PRKG2: variants seen among roughly 807,000 people sequenced by gnomAD.
PRKG2 encodes the protein cGMP-dependent protein kinase 2.
Under a neutral mutation model 97.2 loss-of-function variants are expected in PRKG2, and 33 were observed. That is an observed-to-expected ratio of 0.34 (90% CI 0.26 to 0.45). PRKG2 has a LOEUF of 0.45. Ranked by LOEUF, PRKG2 falls within the 20% of genes least tolerant of loss-of-function variation. The probability of loss-of-function intolerance (pLI) is 1.00; values close to 1 mark genes in which losing one functional copy is unlikely to be tolerated. For synonymous variants in PRKG2, 330 were observed against 321.8 expected, an observed-to-expected ratio of 1.03 and a Z score of -0.27; for missense variants, 638 against 900.0, an observed-to-expected ratio of 0.71 and a Z score of 3.73.
At chr4:81,125,583 G>C (rs1745474812) in intron 14 of PRKG2, among the ~76,000 whole-genome samples, 1 of 152,136 alleles carries the variant, frequency 6.6e-6, no homozygotes, top group East Asian at 1.9e-4. Flanking sequence ...AAAATTTGTG[G>C]CCAAGATATT....
chr4:81,216,902 T>G (rs1754291003), upstream of PRKG2, among the ~76,000 whole-genome samples: 1 of 148,732 alleles, frequency 6.7e-6, no homozygotes, highest in Non-Finnish European at 1.5e-5. Flanking sequence ...TGTGTGTGTG[T>G]GTGTGTGTGT....
intron 4 of PRKG2, among the ~76,000 whole-genome samples, chr4:81,170,319 G>C (rs1354528584): frequency 6.6e-6 from 1 of 151,948 alleles, no homozygotes; most frequent in Non-Finnish European, 1.5e-5. Context: ...GAAAGTTTTT[G>C]AGATAATTTT....
chr4:81,216,367 C>CAAA (rs11362212), upstream of PRKG2, among the ~76,000 whole-genome samples: 143 of 137,576 alleles, frequency 1.0e-3, no homozygotes, highest in African/African-American at 3.0e-3. Flanking sequence ...ATAAAGACCT[C>CAAA]AAAAAAAAAA....
At chr4:81,155,561 T>A (rs1748997121) in intron 6 of PRKG2, among the ~76,000 whole-genome samples, 1 of 151,494 alleles carries the variant, frequency 6.6e-6, no homozygotes, top group African/African-American at 2.4e-5. Context: ...AACATTCAGA[T>A]TCAGGAAATA....
chr4:81,137,248 A>G (rs1746801308), intron 13 of PRKG2, 145 bp downstream of exon 13: 2 of 653,672 alleles, frequency 3.1e-6, no homozygotes, highest in Admixed American at 5.5e-5. Context: ...TTGTAGCATT[A>G]GCCAAGACAA....
chr4:81,196,067 T>C (rs1331490692), intron 2 of PRKG2, among the ~76,000 whole-genome samples: 4 of 152,158 alleles, frequency 2.6e-5, no homozygotes, highest in African/African-American at 9.6e-5. Context: ...AGAAGTAAGC[T>C]GCCATGCTAT....
intron 7 of PRKG2, 26 bp downstream of exon 7, chr4:81,153,618 T>C: frequency 2.6e-6 from 4 of 1,509,830 alleles, no homozygotes; most frequent in Non-Finnish European, 2.8e-6. Context: ...ATCTTTTTTA[T>C]TTAGTAAGTT....
chr4:81,172,959 A>G (rs1383709230), intron 3 of PRKG2, among the ~76,000 whole-genome samples: 1 of 152,128 alleles, frequency 6.6e-6, no homozygotes, highest in Non-Finnish European at 1.5e-5. Context: ...GAGGTTAGAC[A>G]TGCAATTTAA....
intron 6 of PRKG2, chr4:81,165,064 T>C (rs1560595620): frequency 6.6e-6 from 1 of 152,194 alleles, no homozygotes; most frequent in South Asian, 2.1e-4. Flanking sequence ...ATCTATATCA[T>C]GCTTTACAGT....
At chr4:81,187,343 T>C (rs900698426) in intron 2 of PRKG2, among the ~76,000 whole-genome samples, 1 of 152,096 alleles carries the variant, frequency 6.6e-6, no homozygotes, top group Admixed American at 6.5e-5. Flanking sequence ...AAAAATGTAA[T>C]CCATCACATA....
intron 6 of PRKG2, among the ~76,000 whole-genome samples, chr4:81,157,974 T>G (rs998961145): frequency 3.2e-4 from 48 of 148,444 alleles, no homozygotes; most frequent in African/African-American, 1.2e-3. Context: ...GCCAATATCA[T>G]ACTGAATGGG....
At chr4:81,146,808 T>C (rs935101892) in intron 9 of PRKG2, among the ~76,000 whole-genome samples, 1 of 152,170 alleles carries the variant, frequency 6.6e-6, no homozygotes, top group Non-Finnish European at 1.5e-5. Flanking sequence ...GACAAGGGTA[T>C]AAAGGCTGCT....
At chr4:81,203,669 CT>C (rs778153509) in intron 2 of PRKG2, among the ~76,000 whole-genome samples, 7 of 152,090 alleles carry the variant, frequency 4.6e-5, no homozygotes, top group Non-Finnish European at 8.8e-5. Context: ...TGAGTCTTCC[CT>C]GACCCAGAAA....
intron 6 of PRKG2, among the ~76,000 whole-genome samples, chr4:81,164,117 A>G (rs1320868320): frequency 6.6e-6 from 1 of 152,212 alleles, no homozygotes; most frequent in Non-Finnish European, 1.5e-5. Context: ...ACCAGATACT[A>G]CAAAATGAAA....
chr4:81,179,708 A>G (rs1400807747), intron 2 of PRKG2, among the ~76,000 whole-genome samples: 1 of 152,216 alleles, frequency 6.6e-6, no homozygotes, highest in Non-Finnish European at 1.5e-5. Context: ...GGGAGGGAAC[A>G]ATAAATGGAG....
intron 14 of PRKG2, among the ~76,000 whole-genome samples, chr4:81,111,407 TATCATGTTATACATGATTAATATTA>T (rs1560544829): frequency 6.7e-6 from 1 of 148,776 alleles, no homozygotes; most frequent in African/African-American, 2.6e-5. Flanking sequence ...ATTAATATTA[TATCATGTTATACATGATTAATATTA>T]TATCATGTTA....
chr4:81,177,841 A>G (rs1332089642), intron 2 of PRKG2, among the ~76,000 whole-genome samples: 1 of 152,040 alleles, frequency 6.6e-6, no homozygotes, highest in Non-Finnish European at 1.5e-5. Context: ...TTGAAGATCT[A>G]TCAACATAGC....
At chr4:81,093,704 G>T (rs1290698936) in intron 17 of PRKG2, among the ~76,000 whole-genome samples, 1 of 151,996 alleles carries the variant, frequency 6.6e-6, no homozygotes, top group Middle Eastern at 3.2e-3. Flanking sequence ...TTAAGAGGAA[G>T]TTCTTTCATC....
intron 17 of PRKG2, among the ~76,000 whole-genome samples, chr4:81,094,984 T>G (rs1741978197): frequency 6.6e-6 from 1 of 152,126 alleles, no homozygotes; most frequent in African/African-American, 2.4e-5. Flanking sequence ...AATGGGATGG[T>G]GATGCGTCCC....
Sources: gnomAD v4.1 joint callset for allele counts (sites outside exome capture counted in the v4.1 genomes callset) on GRCh38, gnomAD v4.1.1 for gene constraint, MANE v1.5 for transcripts, NCBI Gene and HGNC (gene_info 2026-07-23, HGNC 2026-07-21) for gene names.